Variants in COQ3 observed in about 807,000 individuals in gnomAD.
COQ3 encodes coenzyme Q3, methyltransferase.
A neutral mutation model predicts 33.1 loss-of-function variants in COQ3; 29 were observed. The observed-to-expected ratio is 0.88, with a 90% CI of 0.65 to 1.19. The LOEUF is 1.19. Among genes scored for constraint, COQ3 ranks in the 50% most tolerant of loss-of-function variants. The probability of loss-of-function intolerance (pLI) is 0.00; values close to 1 mark genes in which losing one functional copy is unlikely to be tolerated. For synonymous variants in COQ3, 173 were observed against 157.8 expected (o/e 1.10, Z -0.72); for missense variants, 437 against 430.7 (o/e 1.01, Z -0.13).
intron 1 of COQ3, among the ~76,000 whole-genome samples, chr6:99,386,871 C>T (rs1269048085): frequency 6.6e-6 from 1 of 152,042 alleles, no homozygotes; most frequent in East Asian, 1.9e-4. Context: ...AGATAACAAC[C>T]AATTCTACTT....
intron 1 of COQ3, among the ~76,000 whole-genome samples, chr6:99,386,517 A>G (rs571037281): frequency 1.3e-5 from 2 of 152,342 alleles, no homozygotes; most frequent in East Asian, 3.9e-4. Context: ...ATCAAACCTG[A>G]AGTTAATTCA....
chr6:99,383,601 A>G, intron 2 of COQ3, 97 bp downstream of exon 2: 3 of 846,862 alleles, frequency 3.5e-6, no homozygotes, highest in Middle Eastern at 3.1e-4. Context: ...ATCAAGACAC[A>G]TGGACTATTA....
chr6:99,394,051 A>G (rs776079442), intron 1 of COQ3, 23 bp downstream of exon 1: 16 of 1,594,386 alleles, frequency 1.0e-5, no homozygotes, highest in Non-Finnish European at 1.3e-5. Flanking sequence ...CTGCATGCGA[A>G]GGACCTCCGC....
chr6:99,391,130 G>A (rs183727407), intron 1 of COQ3, among the ~76,000 whole-genome samples: 28 of 148,412 alleles, frequency 1.9e-4, no homozygotes, highest in Admixed American at 1.3e-3. Context: ...ACAGGGTCTC[G>A]TTGTGTTGCC....
chr6:99,369,539 C>A lies in COQ3; in HGVS notation c.*61G>T. 1 of 1,126,782 alleles carries A rather than the reference C, an allele frequency of 8.9e-7. No homozygotes were observed. The highest frequency in any genetic ancestry group is 1.2e-6 in the Non-Finnish European group (1 of 804,304). The allele number at this position is 1,126,782 out of a possible 1,614,324, so 69.8% of individuals were successfully genotyped here. On this transcript the variant is annotated 3_prime_UTR_variant, in exon 7 of 7. Coordinates refer to ENST00000254759, the MANE Select transcript of COQ3 (RefSeq NM_017421.4). ...ATTCTCTCTCAAAGGATAAATTGTA[C>A]ATTTTTGTATTTGAAAACATCAGAT... is the stretch of plus-strand genomic sequence containing the variant.
At chr6:99,380,435 T>C (rs538807612) in intron 2 of COQ3, 94 bp from the exon 3 acceptor site, 1 of 1,337,924 alleles carries the variant, frequency 7.5e-7, no homozygotes, top group Non-Finnish European at 1.0e-6. Flanking sequence ...TTATTTACAA[T>C]TTATTATATT....
chr6:99,377,533 C>G, intron 3 of COQ3, 48 bp from the exon 4 acceptor site: 1 of 1,365,550 alleles, frequency 7.3e-7, no homozygotes, highest in Non-Finnish European at 1.0e-6. Flanking sequence ...TTAATTTTAT[C>G]AACGAAAAGT....
intron 1 of COQ3, among the ~76,000 whole-genome samples, chr6:99,388,891 GCACACACA>G (rs59478225): frequency 0.34 from 36,062 of 106,210 alleles, 4,611 homozygotes; most frequent in Admixed American, 0.46. Flanking sequence ...ATGTATACAC[GCACACACA>G]CACACACACA....
At chr6:99,390,238 C>T (rs1252104147) in intron 1 of COQ3, among the ~76,000 whole-genome samples, 1 of 152,170 alleles carries the variant, frequency 6.6e-6, no homozygotes, top group Non-Finnish European at 1.5e-5. Flanking sequence ...CTGTAATTGC[C>T]ACTAAATAGA....
At chr6:99,388,731 C>A (rs532113865) in intron 1 of COQ3, among the ~76,000 whole-genome samples, 1 of 151,906 alleles carries the variant, frequency 6.6e-6, no homozygotes, top group Admixed American at 6.6e-5. Flanking sequence ...ACCTGTAATA[C>A]GAGCTACTCA....
At chr6:99,385,196 T>C (rs796583009) in intron 1 of COQ3, among the ~76,000 whole-genome samples, 1 of 152,294 alleles carries the variant, frequency 6.6e-6, no homozygotes, top group African/African-American at 2.4e-5. Flanking sequence ...AAATCCACAA[T>C]TGTAAGTTGG....
At chr6:99,373,882 C>T (rs1774207901) in intron 5 of COQ3, among the ~76,000 whole-genome samples, 1 of 151,944 alleles carries the variant, frequency 6.6e-6, no homozygotes, top group Admixed American at 6.6e-5. Flanking sequence ...TGGTGGCATG[C>T]ACCTGTGGTC....
At chr6:99,386,496 G>A (rs72928647) in intron 1 of COQ3, among the ~76,000 whole-genome samples, 9,038 of 152,028 alleles carry the variant, frequency 0.059, 361 homozygotes, top group South Asian at 0.13. Flanking sequence ...AAACAAAGCC[G>A]GAGAAAATAC....
chr6:99,390,210 G>T (rs913848671), intron 1 of COQ3, among the ~76,000 whole-genome samples: 4 of 152,134 alleles, frequency 2.6e-5, no homozygotes, highest in Non-Finnish European at 5.9e-5. Context: ...ATGTCAAAGG[G>T]TACGTGCATT....
intron 5 of COQ3, among the ~76,000 whole-genome samples, chr6:99,372,566 T>C (rs957036105): frequency 7.9e-5 from 12 of 151,848 alleles, no homozygotes; most frequent in Non-Finnish European, 1.5e-4. Flanking sequence ...TACAGGTGCC[T>C]GCCACCACGC....
intron 1 of COQ3, among the ~76,000 whole-genome samples, chr6:99,389,067 A>G (rs1221986874): frequency 6.6e-6 from 1 of 152,092 alleles, no homozygotes; most frequent in East Asian, 1.9e-4. Flanking sequence ...GGTATCACCA[A>G]GGAACTGGGT....
chr6:99,381,477 G>GGACTGGCCATGCATGCTCTTTC (rs1774470840), intron 2 of COQ3, among the ~76,000 whole-genome samples: 1 of 151,936 alleles, frequency 6.6e-6, no homozygotes, highest in Non-Finnish European at 1.5e-5. Context: ...TCAGTTCTTT[G>GGACTGGCCATGCATGCTCTTTC]GACTGGCCAT....
chr6:99,385,074 G>A (rs1200028941), intron 1 of COQ3, among the ~76,000 whole-genome samples: 1 of 152,196 alleles, frequency 6.6e-6, no homozygotes, highest in Non-Finnish European at 1.5e-5. Flanking sequence ...TCAAGCCACT[G>A]TACTCCAGCC....
At chr6:99,391,140 C>G (rs1358473653) in intron 1 of COQ3, among the ~76,000 whole-genome samples, 1 of 149,930 alleles carries the variant, frequency 6.7e-6, no homozygotes, top group Non-Finnish European at 1.5e-5. Flanking sequence ...GTTGTGTTGC[C>G]CAGGCTGGAG....
Sources: allele counts gnomAD v4.1 joint callset (sites outside exome capture counted in the v4.1 genomes callset), GRCh38; gene constraint gnomAD v4.1.1; transcripts MANE v1.5; gene names NCBI Gene and HGNC (gene_info 2026-07-23, HGNC 2026-07-21).